Variants in CHRM3 observed in about 807,000 individuals in gnomAD.
CHRM3 encodes the protein muscarinic acetylcholine receptor M3.
CHRM3 carries 11 observed loss-of-function variants against 41.8 expected under a neutral mutation model. That is an observed-to-expected ratio of 0.26 (90% CI 0.17 to 0.44). The LOEUF (loss-of-function observed/expected upper bound fraction) is 0.44. Ranked by LOEUF, CHRM3 falls within the 20% of genes least tolerant of loss-of-function variation. The pLI is 1.00. For missense variants in CHRM3, 571 were observed against 745.4 expected, an observed-to-expected ratio of 0.77 and a Z score of 2.72; for synonymous variants, 297 against 301.4, an observed-to-expected ratio of 0.99 and a Z score of 0.15.
intron 5 of CHRM3, among the ~76,000 whole-genome samples, chr1:239,808,946 G>A (rs1417686565): frequency 6.6e-6 from 1 of 151,548 alleles, no homozygotes; most frequent in South Asian, 2.1e-4. Context: ...TTTACAAAAG[G>A]AAGAAATGAA....
chr1:239,446,086 A>G (rs984625341), intron 1 of CHRM3, among the ~76,000 whole-genome samples: 25 of 151,972 alleles, frequency 1.6e-4, no homozygotes, highest in Non-Finnish European at 2.2e-4. Context: ...ACAGGTGTGC[A>G]CCACCACACC....
intron 1 of CHRM3, among the ~76,000 whole-genome samples, chr1:239,445,296 C>T (rs1320230152): frequency 6.6e-6 from 1 of 152,094 alleles, no homozygotes; most frequent in African/African-American, 2.4e-5. Context: ...TTCCCACTTA[C>T]CTTCTTAGCA....
intron 3 of CHRM3, among the ~76,000 whole-genome samples, chr1:239,590,462 A>G (rs1664001621): frequency 6.6e-6 from 1 of 152,226 alleles, no homozygotes; most frequent in South Asian, 2.1e-4. Flanking sequence ...CAAAGGAAAT[A>G]TAGCCAGTTC....
chr1:239,813,959 A>ATTG (rs1340178676), intron 5 of CHRM3, among the ~76,000 whole-genome samples: 2 of 149,540 alleles, frequency 1.3e-5, no homozygotes, highest in Non-Finnish European at 3.0e-5. Context: ...CTGCCTTCCT[A>ATTG]TTGATGAAGC....
At chr1:239,398,769 A>G (rs1360416853) in intron 1 of CHRM3, among the ~76,000 whole-genome samples, 1 of 152,212 alleles carries the variant, frequency 6.6e-6, no homozygotes, top group African/African-American at 2.4e-5. Flanking sequence ...ATAACATTCA[A>G]TCACAGTGGA....
chr1:239,562,845 G>A (rs920165625), intron 3 of CHRM3, among the ~76,000 whole-genome samples: 4 of 140,284 alleles, frequency 2.9e-5, no homozygotes, highest in East Asian at 2.1e-4. Flanking sequence ...CCGAGGTCGC[G>A]CCACTGCACT....
chr1:239,672,061 G>A (rs1674426101), intron 4 of CHRM3, among the ~76,000 whole-genome samples: 1 of 152,138 alleles, frequency 6.6e-6, no homozygotes, highest in Non-Finnish European at 1.5e-5. Flanking sequence ...GTAAAGATGA[G>A]TTATGCACAA....
chr1:239,717,670 G>C (rs1662522729), intron 5 of CHRM3, among the ~76,000 whole-genome samples: 1 of 151,954 alleles, frequency 6.6e-6, no homozygotes, highest in Non-Finnish European at 1.5e-5. Flanking sequence ...TTAAGGTAAG[G>C]TTTGCTCTTT....
chr1:239,575,742 T>C (rs970820409), intron 3 of CHRM3, among the ~76,000 whole-genome samples: 2 of 151,870 alleles, frequency 1.3e-5, no homozygotes, highest in South Asian at 4.2e-4. Context: ...TTTGCACTCC[T>C]ACAGGTGTGT....
chr1:239,640,536 T>G (rs1671008132), intron 4 of CHRM3, among the ~76,000 whole-genome samples: 1 of 152,198 alleles, frequency 6.6e-6, no homozygotes, highest in Non-Finnish European at 1.5e-5. Flanking sequence ...CTTGTAGATT[T>G]TCTAGTTTAT....
chr1:239,588,698 G>A (rs1466118750), intron 3 of CHRM3, among the ~76,000 whole-genome samples: 1 of 152,138 alleles, frequency 6.6e-6, no homozygotes, highest in Admixed American at 6.5e-5. Context: ...TAGACCAGAT[G>A]CACAAGGTCT....
intron 1 of CHRM3, among the ~76,000 whole-genome samples, chr1:239,394,467 G>C (rs1659309644): frequency 2.6e-5 from 4 of 152,276 alleles, no homozygotes; most frequent in South Asian, 4.1e-4. Context: ...CTCCTTTCAA[G>C]AGCTTTAACT....
intron 6 of CHRM3, among the ~76,000 whole-genome samples, chr1:239,855,495 T>C (rs924200834): frequency 6.6e-6 from 1 of 152,164 alleles, no homozygotes; most frequent in African/African-American, 2.4e-5. Flanking sequence ...GAATGCATTT[T>C]AATCTGATAC....
In CHRM3 at chr1:239,436,352, G is replaced by A. The variant is rs557742609; in HGVS notation, c.-521+49125G>A. 9.9e-5 allele frequency among the ~76,000 whole-genome samples: 15 copies of A among 152,228 alleles called. No homozygotes were observed. The South Asian group carries it at 1.9e-3, about 19-fold the overall frequency. On this transcript the variant is annotated intron_variant, in intron 1 of 6. Coordinates refer to ENST00000676153, the MANE Select transcript of CHRM3 (RefSeq NM_001375978.1). ...TGGGATCCCGTTGGTCCTGAGTGTC[G>A]CAGAGCAGAGGCTGCAGGGCTGATG...
At chr1:239,502,449 G>A (rs1003590337) in intron 2 of CHRM3, among the ~76,000 whole-genome samples, 2 of 151,680 alleles carry the variant, frequency 1.3e-5, no homozygotes, top group South Asian at 2.1e-4. Context: ...TTAAAAATTA[G>A]CAACAAAAAA....
intron 2 of CHRM3, among the ~76,000 whole-genome samples, chr1:239,528,223 A>G (rs1670132892): frequency 6.6e-6 from 1 of 152,190 alleles, no homozygotes; most frequent in Admixed American, 6.5e-5. Context: ...TCTTTGTGTG[A>G]TGAGATATGA....
chr1:239,559,981 CAG>C (rs1375841207), intron 3 of CHRM3, among the ~76,000 whole-genome samples: 9 of 152,144 alleles, frequency 5.9e-5, no homozygotes, highest in Non-Finnish European at 1.3e-4. Flanking sequence ...AAATAAAATT[CAG>C]AGTGATAGAT....
rs188882416 is a variant in CHRM3, at chr1:239,527,728, G to A, written c.-421-17913G>A. Among the ~76,000 whole-genome samples, 166 of 152,158 alleles carry A rather than the reference G, an allele frequency of 1.1e-3. 1 individual carries two copies. Among genetic ancestry groups the A allele is most frequent in the African/African-American group, 3.6e-3 (150 of 41,508 alleles). On this transcript the variant is annotated intron_variant, in intron 2 of 6. Coordinates refer to ENST00000676153, the MANE Select transcript of CHRM3 (RefSeq NM_001375978.1). ...CACTTACCAGCTAATAACTTTCAAC[G>A]GTTTAAGCTCTGTAAGCCTCAGTTT...
intron 3 of CHRM3, among the ~76,000 whole-genome samples, chr1:239,598,421 G>A (rs566040702): frequency 6.6e-6 from 1 of 152,218 alleles, no homozygotes; most frequent in African/African-American, 2.4e-5. Flanking sequence ...CTTGGGCTCA[G>A]GAGACCTTGA....
Sources: gnomAD v4.1 joint callset for allele counts (sites outside exome capture counted in the v4.1 genomes callset) on GRCh38, gnomAD v4.1.1 for gene constraint, MANE v1.5 for transcripts, NCBI Gene and HGNC (gene_info 2026-07-23, HGNC 2026-07-21) for gene names.